Variants in CADM2 observed in about 807,000 individuals in gnomAD.
CADM2 encodes the protein cell adhesion molecule 2.
A neutral mutation model predicts 49.8 loss-of-function variants in CADM2; 12 were observed. The ratio of observed to expected loss-of-function variants is 0.24; its 90% confidence interval spans 0.15 to 0.39. CADM2 has a LOEUF of 0.39. Among genes scored for constraint, CADM2 ranks in the 10% least tolerant of loss-of-function variants. CADM2 has a pLI of 1.00. For synonymous variants in CADM2, 214 were observed against 175.4 expected (o/e 1.22, Z -1.74); for missense variants, 378 against 492.3 (o/e 0.77, Z 2.20).
intron 1 of CADM2, among the ~76,000 whole-genome samples, chr3:85,322,308 T>A (rs1048517509): frequency 6.6e-6 from 1 of 152,204 alleles, no homozygotes; most frequent in Non-Finnish European, 1.5e-5. Flanking sequence ...CAAGATGTCA[T>A]TTTAGGTGTT....
chr3:85,806,615 A>G (rs552219567), intron 3 of CADM2, among the ~76,000 whole-genome samples: 43 of 152,232 alleles, frequency 2.8e-4, no homozygotes, highest in Non-Finnish European at 5.7e-4. Flanking sequence ...TATTCATGTA[A>G]TCCTAGCCAC....
intron 2 of CADM2, among the ~76,000 whole-genome samples, chr3:85,744,225 A>AC (rs1422053798): frequency 6.6e-6 from 1 of 152,150 alleles, no homozygotes; most frequent in Non-Finnish European, 1.5e-5. Context: ...TGGGGGATTT[A>AC]GGGGATGGGA....
chr3:85,516,697 G>GGTCTC (rs1176496803), intron 1 of CADM2, among the ~76,000 whole-genome samples: 2 of 151,814 alleles, frequency 1.3e-5, no homozygotes, highest in Admixed American at 1.3e-4. Context: ...TCCAATTATA[G>GGTCTC]GTCTATTATT....
At chr3:85,713,759 T>C (rs1219764750) in intron 1 of CADM2, among the ~76,000 whole-genome samples, 1 of 152,192 alleles carries the variant, frequency 6.6e-6, no homozygotes, top group Non-Finnish European at 1.5e-5. Flanking sequence ...ATTTTCATCA[T>C]TTGGTTTATG....
chr3:85,623,325 A>G (rs1202188943), intron 1 of CADM2, among the ~76,000 whole-genome samples: 4 of 152,180 alleles, frequency 2.6e-5, no homozygotes, highest in African/African-American at 4.8e-5. Context: ...TTTCAAATGT[A>G]TAGGGTTAAA....
chr3:85,925,526 A>C (rs1241616161), intron 6 of CADM2, among the ~76,000 whole-genome samples: 1 of 152,174 alleles, frequency 6.6e-6, no homozygotes, highest in East Asian at 1.9e-4. Context: ...GAAAAACACA[A>C]TTGTACCCAG....
intron 1 of CADM2, among the ~76,000 whole-genome samples, chr3:85,163,812 C>A (rs2040396398): frequency 6.6e-6 from 1 of 151,980 alleles, no homozygotes; most frequent in African/African-American, 2.4e-5. Flanking sequence ...TTAAAGTGTA[C>A]AATCCATATG....
intron 1 of CADM2, among the ~76,000 whole-genome samples, chr3:85,000,690 T>C (rs2033419574): frequency 6.6e-6 from 1 of 151,886 alleles, no homozygotes; most frequent in Non-Finnish European, 1.5e-5. Flanking sequence ...TTGGTTGTTG[T>C]TTTTTTTAAT....
chr3:85,047,115 CT>C (rs893339622), intron 1 of CADM2, among the ~76,000 whole-genome samples: 2 of 152,224 alleles, frequency 1.3e-5, no homozygotes, highest in African/African-American at 4.8e-5. Flanking sequence ...GTTAACTTTT[CT>C]TTTTATATCA....
chr3:85,537,659 ATAACCAGT>A (rs2107008798), intron 1 of CADM2, among the ~76,000 whole-genome samples: 1 of 152,082 alleles, frequency 6.6e-6, no homozygotes, highest in South Asian at 2.1e-4. Flanking sequence ...ATGTCATGTT[ATAACCAGT>A]TAAATTGAAC....
intron 1 of CADM2, among the ~76,000 whole-genome samples, chr3:85,649,546 A>G (rs2064985514): frequency 6.6e-6 from 1 of 152,204 alleles, no homozygotes; most frequent in Non-Finnish European, 1.5e-5. Flanking sequence ...CTGTAATGTC[A>G]CTGTTTTATG....
intron 1 of CADM2, among the ~76,000 whole-genome samples, chr3:85,122,839 T>C: frequency 6.6e-6 from 1 of 152,108 alleles, no homozygotes; most frequent in East Asian, 1.9e-4. Flanking sequence ...TGGCTCTTCT[T>C]CCATTGTATG....
chr3:85,212,215 T>C (rs1487456884), intron 1 of CADM2, among the ~76,000 whole-genome samples: 1 of 152,132 alleles, frequency 6.6e-6, no homozygotes, highest in East Asian at 1.9e-4. Flanking sequence ...TTTTGTTTCT[T>C]AATATATTCG....
chr3:85,147,910 A>G (rs1319128873), intron 1 of CADM2, among the ~76,000 whole-genome samples: 1 of 152,200 alleles, frequency 6.6e-6, no homozygotes, highest in Non-Finnish European at 1.5e-5. Flanking sequence ...ACAAATTATA[A>G]TATGTATGTA....
At chr3:85,760,799 A>G (rs543120618) in intron 2 of CADM2, among the ~76,000 whole-genome samples, 1 of 152,306 alleles carries the variant, frequency 6.6e-6, no homozygotes, top group Admixed American at 6.5e-5. Context: ...ATTTGTATAC[A>G]TTTCCTTGGA....
intron 2 of CADM2, among the ~76,000 whole-genome samples, chr3:85,746,379 T>C (rs1392390530): frequency 6.6e-6 from 1 of 152,180 alleles, no homozygotes; most frequent in Non-Finnish European, 1.5e-5. Flanking sequence ...TTTCTCCACC[T>C]ACTCATTGAA....
At chr3:85,427,815 G>C (rs2036484162) in intron 1 of CADM2, among the ~76,000 whole-genome samples, 1 of 151,996 alleles carries the variant, frequency 6.6e-6, no homozygotes, top group South Asian at 2.1e-4. Flanking sequence ...ATAGTTAGTT[G>C]CATTTTACTT....
chr3:85,410,627 G>A (rs73845493), intron 1 of CADM2, among the ~76,000 whole-genome samples: 2,152 of 152,194 alleles, frequency 0.014, 54 homozygotes, highest in African/African-American at 0.048. Flanking sequence ...GAGTTTTGCC[G>A]AAACAGTTAA....
At chr3:85,381,625 C>A (rs1356229807) in intron 1 of CADM2, among the ~76,000 whole-genome samples, 5 of 150,586 alleles carry the variant, frequency 3.3e-5, no homozygotes, top group African/African-American at 1.2e-4. Flanking sequence ...TAGCATTTTG[C>A]CAAAAGTTTT....
Sources: gnomAD v4.1 joint callset for allele counts (sites outside exome capture counted in the v4.1 genomes callset) on GRCh38, gnomAD v4.1.1 for gene constraint, MANE v1.5 for transcripts, NCBI Gene and HGNC (gene_info 2026-07-23, HGNC 2026-07-21) for gene names.